ZMYND12: variants seen among roughly 807,000 people sequenced by gnomAD.
The protein encoded by ZMYND12 is zinc finger MYND-type containing 12, also known as zinc finger MYND domain-containing protein 12.
Under a neutral mutation model 41.7 loss-of-function variants are expected in ZMYND12, and 32 were observed. That is an observed-to-expected ratio of 0.77 (90% CI 0.58 to 1.03). ZMYND12 has a LOEUF of 1.03. Among genes scored for constraint, ZMYND12 ranks in the 50% least tolerant of loss-of-function variants. The probability of loss-of-function intolerance (pLI) is 0.00; values close to 1 mark genes in which losing one functional copy is unlikely to be tolerated. For synonymous variants in ZMYND12, 148 were observed against 164.8 expected, an observed-to-expected ratio of 0.90 and a Z score of 0.78; for missense variants, 424 against 438.5, an observed-to-expected ratio of 0.97 and a Z score of 0.30.
At chr1:42,434,184 G>C (rs1642882829) in intron 6 of ZMYND12, among the ~76,000 whole-genome samples, 1 of 152,108 alleles carries the variant, frequency 6.6e-6, no homozygotes, top group Non-Finnish European at 1.5e-5. Context: ...CAACTGCACT[G>C]TATGTCTCTT....
chr1:42,442,577 G>T (rs768641628), intron 3 of ZMYND12, among the ~76,000 whole-genome samples: 1 of 152,122 alleles, frequency 6.6e-6, no homozygotes, highest in African/African-American at 2.4e-5. Context: ...TCAGTGTGCT[G>T]CAGGGTAGGA....
chr1:42,452,439 T>C (rs555228451), intron 1 of ZMYND12, among the ~76,000 whole-genome samples: 89 of 152,252 alleles, frequency 5.8e-4, no homozygotes, highest in African/African-American at 2.1e-3. Flanking sequence ...AATGTTCTAC[T>C]GTCCTGTAAT....
rs748597585 is a variant in ZMYND12 at position 42,433,245 on chromosome 1, G to A, written c.873C>T (p.Ile291=). 9.9e-6 allele frequency: 16 copies of A among 1,611,314 alleles called. No homozygotes were observed. Among genetic ancestry groups the A allele is most frequent in the Non-Finnish European group, 1.3e-5 (15 of 1,179,286 alleles). ...EAEAIRILTS[I]LNIRESTSDK... ...CAGATGTAGATTCTCGAATGTTCAA[G>A]ATTGAAGTCAGGATGCGAATGGCTT... Residue 291 remains isoleucine, a synonymous_variant, in exon 7 of 8, where the codon ATC becomes ATT. Coordinates refer to ENST00000372565, the MANE Select transcript of ZMYND12 (RefSeq NM_032257.5).
chr1:42,430,975 C>T (rs949383295), intron 7 of ZMYND12, 117 bp from the exon 8 acceptor site: 1 of 1,374,804 alleles, frequency 7.3e-7, no homozygotes, highest in Non-Finnish European at 9.9e-7. Context: ...TTTCACACCA[C>T]CCACTGAGCT....
Position 42,449,989 on chromosome 1 carries a change from G to C in ZMYND12, c.181C>G (p.Arg61Gly), listed in dbSNP as rs36062501. The C allele has an allele frequency of 6.2e-7, 1 of 1,613,756 alleles. No homozygotes were observed. The highest frequency in any genetic ancestry group is 1.7e-5 in the Admixed American group (1 of 60,010). ...GAATTGTAGAAGGGCATGGAAGTGC[G>C]CAGTGGAATCAAGAGCTGACATATT... ...EKICQLLIPL[R>G]TSMPFYNSEE... Residue 61 changes from arginine (R) to glycine (G), a missense_variant, in exon 2 of 8, where the codon CGC becomes GGC. Arg to Gly is a moderately radical substitution (Grantham distance 125). Coordinates refer to ENST00000372565, the MANE Select transcript of ZMYND12 (RefSeq NM_032257.5).
intron 4 of ZMYND12, among the ~76,000 whole-genome samples, chr1:42,439,359 G>A (rs566317187): frequency 3.3e-5 from 5 of 151,346 alleles, no homozygotes; most frequent in South Asian, 4.2e-4. Context: ...TCCACCTCCC[G>A]GGTTCAGGTG....
Position 42,450,022 on chromosome 1 carries a change from G to C in ZMYND12, c.148C>G (p.His50Asp). The C allele has an allele frequency of 6.2e-7, 1 of 1,613,926 alleles. No individual in the cohort carries two copies. The highest frequency in any genetic ancestry group is 2.2e-5 in the East Asian group (1 of 44,870). ...VHQKADWDSI[H>D]EKICQLLIPL... ...ATCAAGAGCTGACATATTTTCTCAT[G>C]GATGCTGTCCCAGTCAGCCTTCTGA... is the stretch of plus-strand genomic sequence containing the variant. The change falls in exon 2 of 8, where the codon CAT becomes GAT. Residue 50 changes from histidine to aspartate, a missense_variant. Coordinates refer to ENST00000372565, the MANE Select transcript of ZMYND12 (RefSeq NM_032257.5).
intron 4 of ZMYND12, 94 bp downstream of exon 4, chr1:42,439,762 A>G (rs1369989026): frequency 1.5e-6 from 2 of 1,306,918 alleles, no homozygotes; most frequent in Non-Finnish European, 1.0e-6. Context: ...AGAGAAATGC[A>G]CAGTTTTAAA....
chr1:42,442,301 C>T (rs901663479), intron 3 of ZMYND12, among the ~76,000 whole-genome samples: 2 of 152,010 alleles, frequency 1.3e-5, no homozygotes, highest in African/African-American at 2.4e-5. Flanking sequence ...TGAAATAGTT[C>T]GGACAAGCAC....
intron 1 of ZMYND12, among the ~76,000 whole-genome samples, chr1:42,452,839 A>G (rs1463177472): frequency 6.6e-6 from 1 of 152,196 alleles, no homozygotes; most frequent in African/African-American, 2.4e-5. Context: ...AAATGTATTC[A>G]GAGAAAAGAA....
chr1:42,446,763 G>A (rs964215809), intron 3 of ZMYND12, among the ~76,000 whole-genome samples: 1 of 152,058 alleles, frequency 6.6e-6, no homozygotes, highest in African/African-American at 2.4e-5. Flanking sequence ...AGAAGGCCTG[G>A]GAGCAGTAAT....
In ZMYND12 at chr1:42,455,902, TG is replaced by T; in HGVS notation, c.95del (p.Thr32LysfsTer26). On this transcript the variant is annotated frameshift_variant, in exon 1 of 8. Coordinates refer to ENST00000372565, the MANE Select transcript of ZMYND12 (RefSeq NM_032257.5). LOFTEE classifies it high-confidence loss of function. ...TCAGGGCCTACCAGTAATAAGTGAC[TG>T]TGCAGGCCGCGCACACCCGCTCGGC... ...APAERVCAAC[T>X]VTYYCGVVHQ... is the part of the protein sequence containing the mutation. The T allele has an allele frequency of 6.2e-7, 1 of 1,612,828 alleles. No individual in the cohort carries two copies. Among genetic ancestry groups the T allele is most frequent in the Non-Finnish European group, 8.5e-7 (1 of 1,179,308 alleles).
intron 6 of ZMYND12, among the ~76,000 whole-genome samples, chr1:42,433,681 A>G (rs1418641672): frequency 6.6e-6 from 1 of 152,180 alleles, no homozygotes; most frequent in Non-Finnish European, 1.5e-5. Context: ...TCTACAGCTG[A>G]GAGGAGAGAA....
At position 42,433,146 on chromosome 1, in the gene ZMYND12, T is replaced by C; in HGVS notation, c.972A>G (p.Ser324=). ...VMFYYLMMNS[S]KAQEYGMRAL... is the part of the protein sequence containing the mutation. ...TTGCTTTTTTAGGGAAACTTGCCTT[T>C]GAAGAATTCATCATCAGGTAGTAAA... Residue 324 remains serine (S), a synonymous_variant, in exon 7 of 8, where the codon TCA becomes TCG. Coordinates refer to ENST00000372565, the MANE Select transcript of ZMYND12 (RefSeq NM_032257.5). The C allele has an allele frequency of 6.2e-7, 1 of 1,606,618 alleles. No homozygotes were observed. Among genetic ancestry groups the C allele is most frequent in the East Asian group, 2.2e-5 (1 of 44,714 alleles).
Position 42,442,403 on chromosome 1 carries a change from T to A in ZMYND12, c.425-2378A>T, listed in dbSNP as rs190122889. The stretch of plus-strand genomic sequence containing the variant: ...TGGACAACACACGGTTACTAAGTAA[T>A]GTGGAAGGTAAGAGAAAGGAAAGCC... On this transcript the variant is annotated intron_variant, in intron 3 of 7. Transcript: ENST00000372565. 2.6e-3 allele frequency among the ~76,000 whole-genome samples: 392 copies of A among 152,286 alleles called. 4 individuals are homozygous for A. Among genetic ancestry groups the A allele is most frequent in the South Asian group, 0.016 (77 of 4,828 alleles).
At chr1:42,451,656 A>G (rs1261291166) in intron 1 of ZMYND12, among the ~76,000 whole-genome samples, 1 of 152,240 alleles carries the variant, frequency 6.6e-6, no homozygotes, top group Non-Finnish European at 1.5e-5. Context: ...AAATGCAATT[A>G]AAGTATATTC....
chr1:42,449,952 C>A lies in ZMYND12; in HGVS notation c.218G>T (p.Arg73Leu). 1 of 1,613,246 alleles carries A rather than the reference C, an allele frequency of 6.2e-7. No homozygotes were observed. Among genetic ancestry groups the A allele is most frequent in the South Asian group, 1.1e-5 (1 of 91,068 alleles). The part of the protein sequence containing the change: ...SMPFYNSEEE[R>L]QHGLQQLQQR... The stretch of plus-strand genomic sequence containing the variant: ...CTGCAGCTGCTGCAGGCCATGCTGC[C>A]GTTCTTCCTCTGAATTGTAGAAGGG... The change falls in exon 2 of 8, where the codon CGG becomes CTG. Residue 73 changes from arginine to leucine, a missense_variant. Physicochemically the swap from Arg to Leu is moderately radical, Grantham distance 102 (BLOSUM62 -2). Transcript: ENST00000372565.
chr1:42,444,706 T>C (rs1349197673), intron 3 of ZMYND12, among the ~76,000 whole-genome samples: 1 of 152,088 alleles, frequency 6.6e-6, no homozygotes, highest in Non-Finnish European at 1.5e-5. Context: ...AGTTCTCCCC[T>C]GAGCTTACAG....
chr1:42,440,673 G>C (rs952615549), intron 3 of ZMYND12, among the ~76,000 whole-genome samples: 2 of 151,782 alleles, frequency 1.3e-5, no homozygotes, highest in Non-Finnish European at 2.9e-5. Context: ...TTTTTTTGTT[G>C]TTGTTGTTGT....
Sources: allele counts gnomAD v4.1 joint callset (sites outside exome capture counted in the v4.1 genomes callset), GRCh38; gene constraint gnomAD v4.1.1; transcripts MANE v1.5; gene names NCBI Gene and HGNC (gene_info 2026-07-23, HGNC 2026-07-21).